Variants in KYAT1 observed in about 807,000 individuals in gnomAD.
KYAT1 encodes the protein kynurenine aminotransferase 1, also known as kynurenine--oxoglutarate transaminase 1.
In KYAT1, 47 loss-of-function variants were observed where a neutral mutation model predicts 52.4. That is an observed-to-expected ratio of 0.90 (90% confidence interval 0.71 to 1.14). The LOEUF is 1.14. Ranked by LOEUF, KYAT1 falls within the 50% of genes most tolerant of loss-of-function variation. The pLI, the probability that KYAT1 is intolerant of heterozygous loss-of-function variation, is 0.00. For missense variants in KYAT1, 480 were observed against 557.9 expected (o/e 0.86, Z 1.41); for synonymous variants, 212 against 209.6 (o/e 1.01, Z -0.10).
chr9:128,880,974 C>T (rs1237470754), intron 1 of KYAT1, among the ~76,000 whole-genome samples: 3 of 152,204 alleles, frequency 2.0e-5, no homozygotes, highest in South Asian at 2.1e-4. Flanking sequence ...CGGAGACAAC[C>T]GCAATTAACA....
At chr9:128,865,593 G>A (rs1208958506) in intron 1 of KYAT1, among the ~76,000 whole-genome samples, 4 of 151,008 alleles carry the variant, frequency 2.6e-5, no homozygotes, top group East Asian at 2.0e-4. Flanking sequence ...AACTCCTGAC[G>A]TCAGGTGATC....
chr9:128,844,685 G>A (rs1421530689), intron 2 of KYAT1, among the ~76,000 whole-genome samples: 1 of 150,824 alleles, frequency 6.6e-6, no homozygotes, highest in Admixed American at 6.6e-5. Flanking sequence ...GTAAGATTCT[G>A]TCTTGCGGGG....
At chr9:128,855,569 G>A (rs1477407400) in intron 1 of KYAT1, among the ~76,000 whole-genome samples, 1 of 152,222 alleles carries the variant, frequency 6.6e-6, no homozygotes, top group Non-Finnish European at 1.5e-5. Context: ...TATGCTAGTT[G>A]TAGGAAACAT....
intron 1 of KYAT1, among the ~76,000 whole-genome samples, chr9:128,848,180 G>C (rs1172462036): frequency 6.6e-6 from 1 of 151,958 alleles, no homozygotes; most frequent in Non-Finnish European, 1.5e-5. Context: ...TTGACCAGGT[G>C]TGATGGTGCA....
rs925525623 is a variant in KYAT1 at position 128,835,856 on chromosome 9, G to A, written c.778C>T (p.Leu260=). The A allele has an allele frequency of 2.4e-5, 38 of 1,614,088 alleles. No homozygotes were observed. The highest frequency in any genetic ancestry group is 3.2e-5 in the Non-Finnish European group (38 of 1,179,972). Residue 260 remains leucine, a synonymous_variant, in exon 9 of 13, where the codon CTG becomes TTG. Transcript: ENST00000302586. ...SATGWKVGWV[L]GPDHIMKHLR... is the part of the protein sequence containing the mutation. ...TGCTTCATGATGTGATCTGGACCCA[G>A]GACCCAGCCCACCTGCAGCAGGGGC...
chr9:128,882,250 G>A (rs1452212937), upstream of KYAT1: 2 of 152,694 alleles, frequency 1.3e-5, no homozygotes, highest in Non-Finnish European at 1.5e-5. Context: ...GGCGAGCCCA[G>A]GTGAGTGGAC....
chr9:128,862,752 TGCAGGGGACTG>T (rs1465177620), intron 1 of KYAT1, among the ~76,000 whole-genome samples: 2 of 152,294 alleles, frequency 1.3e-5, no homozygotes, highest in Admixed American at 1.3e-4. Context: ...CGGCTTCCAT[TGCAGGGGACTG>T]GCAGTGCATC....
chr9:128,855,665 C>T (rs776552334), intron 1 of KYAT1, among the ~76,000 whole-genome samples: 3 of 152,208 alleles, frequency 2.0e-5, no homozygotes, highest in Non-Finnish European at 4.4e-5. Flanking sequence ...TTGGCAGCAC[C>T]ATATTCTGCC....
chr9:128,856,626 C>T (rs917425644), intron 1 of KYAT1, among the ~76,000 whole-genome samples: 2 of 152,186 alleles, frequency 1.3e-5, no homozygotes, highest in African/African-American at 4.8e-5. Flanking sequence ...CATGTGTTGT[C>T]TGGAATCAAG....
At chr9:128,834,029 G>A (rs916098138) in intron 11 of KYAT1, among the ~76,000 whole-genome samples, 23 of 152,158 alleles carry the variant, frequency 1.5e-4, no homozygotes, top group African/African-American at 4.6e-4. Flanking sequence ...AGGCTGAGAC[G>A]GGTGGATCAC....
At chr9:128,880,149 C>T (rs1838598630) in intron 1 of KYAT1, among the ~76,000 whole-genome samples, 1 of 152,320 alleles carries the variant, frequency 6.6e-6, no homozygotes, top group African/African-American at 2.4e-5. Context: ...GTTCATTTTA[C>T]AGGCGGGGAC....
At chr9:128,861,643 T>G (rs1835479057) in intron 1 of KYAT1, among the ~76,000 whole-genome samples, 1 of 152,164 alleles carries the variant, frequency 6.6e-6, no homozygotes, top group South Asian at 2.1e-4. Flanking sequence ...CCCCTGAAAC[T>G]AAGTACCTGT....
At chr9:128,876,575 G>T (rs915594409) in intron 1 of KYAT1, among the ~76,000 whole-genome samples, 2 of 150,982 alleles carry the variant, frequency 1.3e-5, no homozygotes, top group African/African-American at 4.9e-5. Context: ...CCGCCACCAC[G>T]CCCTGCTAAT....
chr9:128,844,125 C>A (rs1832693631), intron 2 of KYAT1, among the ~76,000 whole-genome samples: 1 of 152,170 alleles, frequency 6.6e-6, no homozygotes, highest in Non-Finnish European at 1.5e-5. Context: ...CTGGGGGCCA[C>A]CTCTCCAGGT....
chr9:128,836,250 T>C (rs4837317), intron 7 of KYAT1, 177 bp from the exon 8 acceptor site: 7,285 of 182,062 alleles, frequency 0.04, 4 homozygotes, highest in East Asian at 0.063. Flanking sequence ...TCCTTCCTTC[T>C]TTCTCTCTCT....
At chr9:128,842,824 G>C in intron 2 of KYAT1, 23 bp from the exon 3 acceptor site, 3 of 1,607,908 alleles carry the variant, frequency 1.9e-6, no homozygotes, top group Non-Finnish European at 2.5e-6. Context: ...TGGAGAATCA[G>C]CACCAGCCCA....
At chr9:128,876,517 A>C (rs2130843719) in intron 1 of KYAT1, among the ~76,000 whole-genome samples, 1 of 148,870 alleles carries the variant, frequency 6.7e-6, no homozygotes, top group Non-Finnish European at 1.5e-5. Context: ...TCCCGGGTTC[A>C]CGCCACTCTC....
intron 3 of KYAT1, chr9:128,840,530 C>T (rs532665934): frequency 1.8e-5 from 7 of 387,150 alleles, no homozygotes; most frequent in African/African-American, 6.5e-5. Flanking sequence ...GGATTATAGG[C>T]GTGAGCCACC....
At chr9:128,834,944 G>A (rs1830749781) in intron 11 of KYAT1, among the ~76,000 whole-genome samples, 1 of 151,400 alleles carries the variant, frequency 6.6e-6, no homozygotes, top group African/African-American at 2.4e-5. Context: ...AGACCAACCT[G>A]GCTAACATGG....
Sources: gnomAD v4.1 joint callset for allele counts (sites outside exome capture counted in the v4.1 genomes callset) on GRCh38, gnomAD v4.1.1 for gene constraint, MANE v1.5 for transcripts, NCBI Gene and HGNC (gene_info 2026-07-23, HGNC 2026-07-21) for gene names.